Variants in SLC38A10 observed in about 807,000 individuals in gnomAD.
The protein encoded by SLC38A10 is solute carrier family 38 member 10.
Under a neutral mutation model 81.0 loss-of-function variants are expected in SLC38A10, and 53 were observed. The observed-to-expected ratio is 0.65, with a 90% confidence interval of 0.53 to 0.82. SLC38A10 has a LOEUF of 0.82. Among genes scored for constraint, SLC38A10 ranks in the 40% least tolerant of loss-of-function variants. The probability of loss-of-function intolerance (pLI) is 0.00; values close to 1 mark genes in which losing one functional copy is unlikely to be tolerated. For synonymous variants in SLC38A10, 665 were observed against 655.3 expected, an observed-to-expected ratio of 1.01 and a Z score of -0.23; for missense variants, 1,471 against 1,545.0, an observed-to-expected ratio of 0.95 and a Z score of 0.80.
At chr17:81,251,054 TG>T (rs1238099780) in intron 14 of SLC38A10, 2 of 1,442,724 alleles carry the variant, frequency 1.4e-6, no homozygotes, top group Non-Finnish European at 1.8e-6. Context: ...ACCCCCAAAC[TG>T]GGTCCCCTTG....
At chr17:81,250,313 T>C (rs2062898436) in intron 14 of SLC38A10, among the ~76,000 whole-genome samples, 3 of 152,236 alleles carry the variant, frequency 2.0e-5, no homozygotes, top group Non-Finnish European at 2.9e-5. Context: ...GGGCGCCTTT[T>C]GGCTCTGCCT....
chr17:81,294,606 G>C (rs1242151217), intron 1 of SLC38A10, among the ~76,000 whole-genome samples: 1 of 152,198 alleles, frequency 6.6e-6, no homozygotes, highest in Non-Finnish European at 1.5e-5. Flanking sequence ...TTTCCGGCCC[G>C]GGCTGACAAG....
rs2062892008 is a variant in SLC38A10 at position 81,249,611 on chromosome 17, T to TC, written c.2065+1881_2065+1882insG. Among the ~76,000 whole-genome samples, 3 of 149,096 alleles carry TC rather than the reference T, an allele frequency of 2.0e-5. No homozygotes were observed. The South Asian group carries it at 6.4e-4, about 32-fold the overall frequency. The stretch of plus-strand genomic sequence containing the variant: ...AGCCAGAAGCCACGTGGGACACATG[T>TC]GAAGCACCGTGGAGGAGACAGGCTG... On this transcript the variant is annotated intron_variant, in intron 14 of 15. Coordinates refer to ENST00000374759, the MANE Select transcript of SLC38A10 (RefSeq NM_001037984.3).
At chr17:81,269,261 C>T (rs2063094480) in intron 10 of SLC38A10, among the ~76,000 whole-genome samples, 1 of 152,138 alleles carries the variant, frequency 6.6e-6, no homozygotes, top group African/African-American at 2.4e-5. Context: ...CGTCTATAAT[C>T]CCAGCACTTT....
intron 1 of SLC38A10, 107 bp downstream of exon 1, chr17:81,294,716 G>T: frequency 9.8e-7 from 1 of 1,025,200 alleles, no homozygotes; most frequent in Non-Finnish European, 1.3e-6. Context: ...GCCTGCACCC[G>T]CCCAGCGAAG....
chr17:81,259,093 C>G (rs147707921), intron 11 of SLC38A10, among the ~76,000 whole-genome samples: 1 of 152,392 alleles, frequency 6.6e-6, no homozygotes, highest in African/African-American at 2.4e-5. Context: ...GAGCTCAGAA[C>G]AGAGATGACA....
At chr17:81,280,912 G>C (rs1450516628) in intron 5 of SLC38A10, among the ~76,000 whole-genome samples, 179 bp from the exon 6 acceptor site, 1 of 152,184 alleles carries the variant, frequency 6.6e-6, no homozygotes, top group African/African-American at 2.4e-5. Context: ...TGGAGGCAGG[G>C]AGACCCCGCG....
chr17:81,264,277 A>AGAACAGCTTCCT (rs2063050796), intron 10 of SLC38A10: 1 of 152,570 alleles, frequency 6.6e-6, no homozygotes, highest in East Asian at 1.9e-4. Context: ...CTGTACTTCC[A>AGAACAGCTTCCT]GCACAGCTTC....
chr17:81,287,241 G>A (rs1567948878), intron 2 of SLC38A10, among the ~76,000 whole-genome samples: 4 of 152,224 alleles, frequency 2.6e-5, no homozygotes. Context: ...ACCAACCCGA[G>A]GAACCATTAC....
intron 14 of SLC38A10, chr17:81,250,237 T>C (rs2062897696): frequency 1.2e-6 from 1 of 843,424 alleles, no homozygotes; most frequent in Non-Finnish European, 1.6e-6. Flanking sequence ...ATGGCCAGAC[T>C]AAAACCGGAG....
intron 11 of SLC38A10, among the ~76,000 whole-genome samples, chr17:81,259,827 T>C (rs557559687): frequency 1.3e-5 from 2 of 152,204 alleles, no homozygotes; most frequent in South Asian, 2.1e-4. Flanking sequence ...AAATAATAAA[T>C]AACCTGAAGC....
At chr17:81,267,042 G>C (rs916772175) in intron 10 of SLC38A10, among the ~76,000 whole-genome samples, 7 of 152,204 alleles carry the variant, frequency 4.6e-5, no homozygotes, top group African/African-American at 1.7e-4. Context: ...AGTGTTACCA[G>C]GGTGTGGCAA....
chr17:81,260,007 G>A (rs372324228), intron 11 of SLC38A10, among the ~76,000 whole-genome samples: 144 of 152,262 alleles, frequency 9.5e-4, no homozygotes, highest in Non-Finnish European at 1.4e-3. Flanking sequence ...CATGTTCCCT[G>A]CATACAGGTG....
rs749822314 is a variant in SLC38A10, at chr17:81,245,921, C to A, written c.2995G>T (p.Glu999Ter). The A allele has an allele frequency of 1.9e-5, 30 of 1,611,248 alleles. No homozygotes were observed. Among genetic ancestry groups the A allele is most frequent in the Non-Finnish European group, 2.5e-5 (29 of 1,179,042 alleles). Residue 999 changes from glutamate to a stop codon, truncating the protein, a stop_gained, in exon 16 of 16, where the codon GAG (glutamate) becomes TAG (stop). Transcript: ENST00000374759. LOFTEE classifies it low-confidence loss of function (END_TRUNC). Reference sequence around the variant, plus strand: ...GCGTCCTCCCCGCCTCTCGGCTGCTCGTGGGACACAGGCACATGGTCCCCC... The same window carrying A: ...GCGTCCTCCCCGCCTCTCGGCTGCTAGTGGGACACAGGCACATGGTCCCCC... ...RGGDHVPVSH[E>*]QPRGGEDAAV...
Position 81,286,073 on chromosome 17 carries a change from A to G in SLC38A10, c.218-1178T>C, listed in dbSNP as rs748781336. Among the ~76,000 whole-genome samples the G allele has an allele frequency of 2.0e-5, 3 of 151,998 alleles. No homozygotes were observed. Among genetic ancestry groups the G allele is most frequent in the Non-Finnish European group, 4.4e-5 (3 of 67,992 alleles). ...AGGCTGTGGAGAGTTTCAAACACTA[A>G]GAACTCCAGGAGCCCCCTCAGCAGC... On this transcript the variant is annotated intron_variant, in intron 2 of 15. Coordinates refer to ENST00000374759, the MANE Select transcript of SLC38A10 (RefSeq NM_001037984.3). This position sits in a 1 kb window ranked among gnomAD's most constrained non-coding sequence, Gnocchi z 6.0.
At chr17:81,280,542 T>A (rs961015580) in intron 6 of SLC38A10, 67 bp downstream of exon 6, 1 of 1,587,554 alleles carries the variant, frequency 6.3e-7, no homozygotes, top group African/African-American at 1.3e-5. Context: ...AAAGAGAGGG[T>A]CCCGTCTCCC....
In SLC38A10 at chr17:81,246,473, C is replaced by G; in HGVS notation, c.2443G>C (p.Ala815Pro). The part of the protein sequence containing the change: ...HSEGPVGRDP[A>P]GPPDGGPDTE... ...TCAGGGCCGCCGTCAGGAGGGCCAG[C>G]AGGGTCTCTGCCCACAGGCCCCTCA... Residue 815 changes from alanine (A) to proline (P), a missense_variant, in exon 16 of 16, where the codon GCT becomes CCT. By Grantham distance (27) the Ala-to-Pro change is conservative (BLOSUM62 -1). Transcript: ENST00000374759. 6.4e-7 allele frequency: 1 copy of G among 1,570,090 alleles called. No homozygotes were observed.
rs776304012 is a variant in SLC38A10, at chr17:81,265,951, C to A, written c.1131+4967G>T. Among the ~76,000 whole-genome samples the A allele has an allele frequency of 2.0e-5, 3 of 152,240 alleles. No homozygotes were observed. Among genetic ancestry groups the A allele is most frequent in the Admixed American group, 1.3e-4 (2 of 15,284 alleles). On this transcript the variant is annotated intron_variant, in intron 10 of 15. Coordinates refer to ENST00000374759, the MANE Select transcript of SLC38A10 (RefSeq NM_001037984.3). The surrounding 1 kb of genome is among the most constrained non-coding windows in gnomAD (Gnocchi z 4.2). ...AAACTGCGGTGAATGTGATTCAGTG[C>A]GCTTTCTAGCTTCCAAAAGACATGG...
chr17:81,279,192 T>C (rs1270006401), intron 6 of SLC38A10, among the ~76,000 whole-genome samples: 1 of 152,234 alleles, frequency 6.6e-6, no homozygotes, highest in Non-Finnish European at 1.5e-5. Context: ...AGATAGACCC[T>C]GACCTCCAGG....
Sources: gnomAD v4.1 joint callset for allele counts (sites outside exome capture counted in the v4.1 genomes callset) on GRCh38, gnomAD v4.1.1 for gene constraint, Gnocchi (gnomAD v3.1) non-coding constraint, MANE v1.5 for transcripts, NCBI Gene and HGNC (gene_info 2026-07-23, HGNC 2026-07-21) for gene names.